RYR1: variants seen among roughly 807,000 people sequenced by gnomAD.
RYR1 encodes the protein ryanodine receptor 1, also known as central core disease of muscle.
RYR1 carries 342 observed loss-of-function variants against 583.5 expected under a neutral mutation model. The observed-to-expected ratio is 0.59, with a 90% CI of 0.54 to 0.64. RYR1 has a LOEUF of 0.64. Ranked by LOEUF, RYR1 falls within the 30% of genes least tolerant of loss-of-function variation. The pLI, the probability that RYR1 is intolerant of heterozygous loss-of-function variation, is 0.00. For synonymous variants in RYR1, 2,791 were observed against 2,822.5 expected (o/e 0.99, Z 0.35); for missense variants, 6,032 against 6,917.2 (o/e 0.87, Z 4.54).
chr19:38,548,107 G>C, intron 88 of RYR1, 126 bp from the exon 89 acceptor site: 8 of 1,006,398 alleles, frequency 7.9e-6, no homozygotes, highest in Non-Finnish European at 1.1e-5. Flanking sequence ...ACCTGTGGAG[G>C]GGAGGCTGTG....
At chr19:38,454,190 C>T (rs553329122) in intron 13 of RYR1, among the ~76,000 whole-genome samples, 5 of 152,166 alleles carry the variant, frequency 3.3e-5, no homozygotes, top group Non-Finnish European at 4.4e-5. Context: ...CAGGTGTGAG[C>T]CACCACGCCT....
At position 38,567,005 on chromosome 19, in the gene RYR1, T is replaced by C. The variant is rs772178960; in HGVS notation, c.13514+18T>C. On this transcript the variant is annotated intron_variant, in intron 92 of 105. Coordinates refer to ENST00000359596, the MANE Select transcript of RYR1 (RefSeq NM_000540.3). The stretch of plus-strand genomic sequence containing the variant: ...AAAGCCGAGTGAGTGGCCTTGGGGC[T>C]GAGGGGCCTAGCCCCTATCACTGCC... 1.2e-5 allele frequency: 19 copies of C among 1,573,670 alleles called. No homozygotes were observed. The highest frequency in any genetic ancestry group is 7.0e-5 in the South Asian group (6 of 86,086).
At chr19:38,440,050 G>A (rs977604056) in intron 1 of RYR1, among the ~76,000 whole-genome samples, 2 of 152,164 alleles carry the variant, frequency 1.3e-5, no homozygotes, top group African/African-American at 4.8e-5. Flanking sequence ...TTGGACTGAG[G>A]TTCAAATCCC....
chr19:38,446,837 A>G, intron 9 of RYR1, 69 bp downstream of exon 9: 1 of 1,289,762 alleles, frequency 7.8e-7, no homozygotes, highest in East Asian at 2.3e-5. Flanking sequence ...GAGGACAGAA[A>G]AGGTCTTGAG....
At chr19:38,547,219 T>G (rs896192073) in intron 88 of RYR1, among the ~76,000 whole-genome samples, 6 of 149,536 alleles carry the variant, frequency 4.0e-5, no homozygotes, top group African/African-American at 1.2e-4. Context: ...TTTTTTTTTT[T>G]TTTTTGTATT....
intron 94 of RYR1, among the ~76,000 whole-genome samples, chr19:38,571,776 C>T (rs906197231): frequency 6.6e-6 from 1 of 152,222 alleles, no homozygotes; most frequent in Non-Finnish European, 1.5e-5. Flanking sequence ...CTCTTTAGGG[C>T]TCCACTATCA....
chr19:38,497,912 C>T (rs1038438095), intron 42 of RYR1, among the ~76,000 whole-genome samples: 4 of 151,996 alleles, frequency 2.6e-5, no homozygotes. Flanking sequence ...GAGGCTGAGG[C>T]TGCAGTGAGC....
chr19:38,576,959 C>A (rs547908808), intron 97 of RYR1, among the ~76,000 whole-genome samples: 78 of 152,202 alleles, frequency 5.1e-4, no homozygotes, highest in African/African-American at 1.8e-3. Flanking sequence ...AATCTCAGCT[C>A]ACTGCAACCT....
intron 53 of RYR1, 147 bp downstream of exon 53, chr19:38,505,545 A>C: frequency 1.3e-6 from 1 of 782,482 alleles, no homozygotes; most frequent in Non-Finnish European, 2.1e-6. Flanking sequence ...GCCTTCTCTC[A>C]AACTTGGTAG....
intron 102 of RYR1, among the ~76,000 whole-genome samples, chr19:38,585,371 T>G (rs954484775): frequency 8.9e-5 from 13 of 146,764 alleles, no homozygotes; most frequent in Non-Finnish European, 1.3e-4. Flanking sequence ...AGGCCTGAGA[T>G]ATATATATAT....
chr19:38,471,096 A>G (rs1256999580), intron 27 of RYR1, among the ~76,000 whole-genome samples: 2 of 152,382 alleles, frequency 1.3e-5, no homozygotes, highest in Admixed American at 6.5e-5. Context: ...CCATTCACAG[A>G]AAGTTCAAGA....
chr19:38,520,009 C>G (rs1197121616), intron 67 of RYR1, among the ~76,000 whole-genome samples: 1 of 150,346 alleles, frequency 6.7e-6, no homozygotes, highest in African/African-American at 2.5e-5. Flanking sequence ...TCTCCTAATG[C>G]TGGACATTTA....
chr19:38,433,957 G>A, intron 1 of RYR1, 83 bp downstream of exon 1: 1 of 1,258,958 alleles, frequency 7.9e-7, no homozygotes, highest in Non-Finnish European at 1.2e-6. Flanking sequence ...GTCCCTGTCC[G>A]GCTTGCTGGT....
rs138647682 is a variant in RYR1 at position 38,448,730 on chromosome 19, G to A, written c.1039G>A (p.Val347Met). 7 of 1,614,112 alleles carry A rather than the reference G, an allele frequency of 4.3e-6. No homozygotes were observed. The highest frequency in any genetic ancestry group is 4.5e-5 in the East Asian group (2 of 44,900). Residue 347 changes from valine (V) to methionine (M), a missense_variant, in exon 11 of 106, where the codon GTG (valine) becomes ATG (methionine). Val to Met is a conservative substitution (Grantham distance 21, BLOSUM62 1). This residue lies in a region of RYR1 where 338 missense variants were observed against 441.6 expected (regional missense o/e 0.77). Coordinates refer to ENST00000359596, the MANE Select transcript of RYR1 (RefSeq NM_000540.3). ...EIKYGESLCFVQHVASGLWLT... is the reference protein window; with the variant it reads ...EIKYGESLCFMQHVASGLWLT... Reference sequence around the variant, plus strand: ...CAAGTACGGGGAGTCACTGTGCTTCGTGCAGCATGTGGCCTCAGGACTGTG... The same window carrying A: ...CAAGTACGGGGAGTCACTGTGCTTCATGCAGCATGTGGCCTCAGGACTGTG...
Position 38,534,729 on chromosome 19 carries a change from A to T in RYR1, c.11269A>T (p.Met3757Leu), listed in dbSNP as rs189249768. 1.7e-5 allele frequency: 27 copies of T among 1,613,828 alleles called. No individual in the cohort carries two copies. Among genetic ancestry groups the T allele is most frequent in the Non-Finnish European group, 2.1e-5 (25 of 1,179,980 alleles). The change falls in exon 79 of 106, where the codon ATG (methionine) becomes TTG (leucine). Residue 3757 changes from methionine (M) to leucine (L), a missense_variant. This residue lies in a region of RYR1 where 1,493 missense variants were observed against 1,715.5 expected (regional missense o/e 0.87). Transcript: ENST00000359596. The part of the protein sequence containing the change: ...EVEVSFEEKQ[M>L]EKQRLLYQQA... ...CTGCCTCCCTTCCCAGGAGAAACAG[A>T]TGGAGAAGCAGAGGCTCTTGTACCA...
intron 2 of RYR1, among the ~76,000 whole-genome samples, chr19:38,442,020 CAG>C (rs1342453744): frequency 6.6e-6 from 1 of 151,186 alleles, no homozygotes; most frequent in Non-Finnish European, 1.5e-5. Context: ...CAGTGTGTCT[CAG>C]GGGAGAGGCA....
chr19:38,496,127 T>A lies in RYR1; in HGVS notation c.6549-88T>A. The A allele has an allele frequency of 1.9e-6, 2 of 1,079,254 alleles. No individual in the cohort carries two copies. 66.9% of individuals were successfully genotyped at this position (1,079,254 alleles called of 1,614,324 possible). ...TGGTGCTAGGCACAGAGTGAGAGGG[T>A]CAAGAATGCCAACGCTGTCACAGTG... On this transcript the variant is annotated intron_variant, in intron 39 of 105. Transcript: ENST00000359596. The surrounding 1 kb of genome is among the most constrained non-coding windows in gnomAD (Gnocchi z 4.8).
chr19:38,523,993 G>A (rs1443033091), intron 70 of RYR1, 64 bp downstream of exon 70: 1 of 1,581,700 alleles, frequency 6.3e-7, no homozygotes, highest in East Asian at 2.3e-5. Flanking sequence ...CCCAGCCTCT[G>A]CACGCCCCCG....
chr19:38,510,812 C>T (rs996469489), intron 60 of RYR1, 31 bp downstream of exon 60: 4 of 1,613,534 alleles, frequency 2.5e-6, no homozygotes, highest in Non-Finnish European at 3.4e-6. Flanking sequence ...GACCCAGCCC[C>T]CTGACCTCAC....
Sources: allele counts gnomAD v4.1 joint callset (sites outside exome capture counted in the v4.1 genomes callset), GRCh38; gene constraint gnomAD v4.1.1; regional missense constraint gnomAD v4.1.1; non-coding constraint Gnocchi (gnomAD v3.1); transcripts MANE v1.5; gene names NCBI Gene and HGNC (gene_info 2026-07-23, HGNC 2026-07-21).